Variants in FCHSD2 observed in about 807,000 individuals in gnomAD.
FCHSD2 encodes FCH and double SH3 domains 2.
Under a neutral mutation model 108.1 loss-of-function variants are expected in FCHSD2, and 38 were observed. The observed-to-expected ratio is 0.35, with a 90% CI of 0.27 to 0.46. The LOEUF (loss-of-function observed/expected upper bound fraction) is 0.46. Among genes scored for constraint, FCHSD2 ranks in the 20% least tolerant of loss-of-function variants. The pLI is 1.00. For missense variants in FCHSD2, 751 were observed against 897.8 expected (o/e 0.84, Z 2.09); for synonymous variants, 279 against 314.7 (o/e 0.89, Z 1.20).
intron 8 of FCHSD2, among the ~76,000 whole-genome samples, chr11:72,945,413 G>C (rs1048001788): frequency 3.3e-5 from 5 of 152,206 alleles, no homozygotes; most frequent in Admixed American, 6.5e-5. Flanking sequence ...ATGGGTTAAA[G>C]ACTTAAATGT....
intron 8 of FCHSD2, among the ~76,000 whole-genome samples, chr11:72,931,213 GCCTC>G (rs1856184112): frequency 6.7e-6 from 1 of 148,370 alleles, no homozygotes; most frequent in Non-Finnish European, 1.5e-5. Context: ...TCCTGGCTCA[GCCTC>G]CTGAATAGCT....
At chr11:72,924,684 T>C (rs1194451770) in intron 8 of FCHSD2, among the ~76,000 whole-genome samples, 1 of 151,782 alleles carries the variant, frequency 6.6e-6, no homozygotes, top group Non-Finnish European at 1.5e-5. Flanking sequence ...TTAAACTTTT[T>C]TTTTTTTTTT....
intron 3 of FCHSD2, among the ~76,000 whole-genome samples, chr11:73,044,795 G>A (rs1025629184): frequency 5.9e-5 from 9 of 152,156 alleles, no homozygotes; most frequent in Non-Finnish European, 8.8e-5. Context: ...ATGGGGCTGG[G>A]CACAGTGGCT....
chr11:72,955,205 T>C (rs889722923), intron 8 of FCHSD2, among the ~76,000 whole-genome samples: 4 of 152,230 alleles, frequency 2.6e-5, no homozygotes, highest in Admixed American at 2.0e-4. Context: ...AAAATTGGCG[T>C]TCCTATGACA....
intron 10 of FCHSD2, among the ~76,000 whole-genome samples, chr11:72,898,000 A>G (rs1442494082): frequency 6.6e-6 from 1 of 152,244 alleles, no homozygotes; most frequent in African/African-American, 2.4e-5. Context: ...TCTTATGGAA[A>G]TATAGATAAG....
At chr11:73,122,601 A>G (rs1458027022) in intron 2 of FCHSD2, among the ~76,000 whole-genome samples, 2 of 152,264 alleles carry the variant, frequency 1.3e-5, no homozygotes, top group African/African-American at 4.8e-5. Context: ...GCAAAAGTAG[A>G]AAACTAGTGT....
intron 8 of FCHSD2, among the ~76,000 whole-genome samples, chr11:72,938,986 G>A (rs192265166): frequency 6.6e-6 from 1 of 152,198 alleles, no homozygotes; most frequent in East Asian, 1.9e-4. Context: ...AATAAAAGTG[G>A]CCTCTGAGCT....
intron 9 of FCHSD2, among the ~76,000 whole-genome samples, chr11:72,906,394 T>TA (rs1179803963): frequency 6.6e-6 from 1 of 152,240 alleles, no homozygotes; most frequent in African/African-American, 2.4e-5. Flanking sequence ...ACTCTGATGA[T>TA]AGTTTCTTTT....
At chr11:72,939,820 T>C (rs1257161755) in intron 8 of FCHSD2, among the ~76,000 whole-genome samples, 3 of 151,620 alleles carry the variant, frequency 2.0e-5, no homozygotes, top group East Asian at 3.9e-4. Context: ...GGTTTCACCA[T>C]GTTTGTCAGG....
At chr11:73,119,527 C>T (rs1420986886) in intron 2 of FCHSD2, among the ~76,000 whole-genome samples, 3 of 152,138 alleles carry the variant, frequency 2.0e-5, no homozygotes, top group Non-Finnish European at 4.4e-5. Context: ...GGCAGTGGCA[C>T]AATTATAGCT....
chr11:72,849,617 C>T (rs140178229), intron 14 of FCHSD2, 138 bp downstream of exon 14: 2 of 689,280 alleles, frequency 2.9e-6, no homozygotes, highest in East Asian at 5.2e-5. Context: ...AAACTCATCA[C>T]CATTCTGTTA....
At chr11:73,059,556 T>C (rs1004768993) in intron 3 of FCHSD2, among the ~76,000 whole-genome samples, 3 of 152,146 alleles carry the variant, frequency 2.0e-5, no homozygotes, top group African/African-American at 7.2e-5. Context: ...ACTAAGTTTA[T>C]TTTGCTGAAG....
chr11:72,846,181 C>CTTTTTTT (rs35708688), intron 14 of FCHSD2, among the ~76,000 whole-genome samples: 1 of 137,120 alleles, frequency 7.3e-6, no homozygotes, highest in Non-Finnish European at 1.6e-5. Context: ...TCCTTTTGCT[C>CTTTTTTT]TTTTTTTTTT....
chr11:72,855,311 CAAAA>C (rs1384484230), intron 13 of FCHSD2, among the ~76,000 whole-genome samples: 16 of 150,388 alleles, frequency 1.1e-4, no homozygotes, highest in Admixed American at 8.6e-4. Flanking sequence ...AACAAACAAA[CAAAA>C]AAGACCAAAA....
chr11:73,052,462 T>C (rs1374136459), intron 3 of FCHSD2, among the ~76,000 whole-genome samples: 1 of 152,208 alleles, frequency 6.6e-6, no homozygotes, highest in Non-Finnish European at 1.5e-5. Flanking sequence ...CAATTAATAG[T>C]GTAATTGTGA....
chr11:73,100,334 T>TTTGTTGTTGTTG (rs56104404), intron 2 of FCHSD2, among the ~76,000 whole-genome samples: 71 of 149,068 alleles, frequency 4.8e-4, no homozygotes, highest in African/African-American at 1.4e-3. Context: ...TTTACATGCT[T>TTTGTTGTTGTTG]TTGTTGTTGT....
intron 8 of FCHSD2, among the ~76,000 whole-genome samples, chr11:72,964,118 C>T (rs2135376455): frequency 1.3e-5 from 2 of 152,210 alleles, no homozygotes; most frequent in South Asian, 4.2e-4. Context: ...TTATGGATGA[C>T]ACAATCAGCA....
At chr11:73,043,308 C>T (rs867690406) in intron 3 of FCHSD2, among the ~76,000 whole-genome samples, 13 of 152,106 alleles carry the variant, frequency 8.5e-5, no homozygotes, top group South Asian at 6.2e-4. Context: ...CTAAAAGGCT[C>T]GGTCAAGTAG....
At chr11:73,097,677 A>T (rs1424895413) in intron 2 of FCHSD2, among the ~76,000 whole-genome samples, 18 of 74,086 alleles carry the variant, frequency 2.4e-4, no homozygotes, top group East Asian at 3.8e-4. Context: ...GAGAATTTCT[A>T]TTTTTTTCTG....
Sources: gnomAD v4.1 joint callset for allele counts (sites outside exome capture counted in the v4.1 genomes callset) on GRCh38, gnomAD v4.1.1 for gene constraint, MANE v1.5 for transcripts, NCBI Gene and HGNC (gene_info 2026-07-23, HGNC 2026-07-21) for gene names.